HNRNPC: variants seen among roughly 807,000 people sequenced by gnomAD.
The protein encoded by HNRNPC is heterogeneous nuclear ribonucleoproteins C1/C2.
In HNRNPC, 3 loss-of-function variants were observed where a neutral mutation model predicts 33.2. That is an observed-to-expected ratio of 0.09 (90% CI 0.04 to 0.23). The LOEUF (loss-of-function observed/expected upper bound fraction) is 0.23. Ranked by LOEUF, HNRNPC falls within the 10% of genes least tolerant of loss-of-function variation. The pLI is 1.00. For missense variants in HNRNPC, 143 were observed against 366.7 expected (o/e 0.39, Z 4.98); for synonymous variants, 121 against 126.7 (o/e 0.96, Z 0.30).
At chr14:21,211,709 A>G (rs776216678) in intron 7 of HNRNPC, 101 bp downstream of exon 7, 577 of 1,417,736 alleles carry the variant, frequency 4.1e-4, no homozygotes, top group Non-Finnish European at 5.3e-4. Flanking sequence ...CCCAAGTTTC[A>G]TATTACATTG....
chr14:21,222,921 C>T (rs1339125635), intron 5 of HNRNPC, among the ~76,000 whole-genome samples: 1 of 151,712 alleles, frequency 6.6e-6, no homozygotes, highest in East Asian at 1.9e-4. Context: ...AAAACACCAG[C>T]TGGGCGTGAT....
At chr14:21,219,470 A>C (rs1460524593) in intron 5 of HNRNPC, among the ~76,000 whole-genome samples, 2 of 152,242 alleles carry the variant, frequency 1.3e-5, no homozygotes, top group Admixed American at 1.3e-4. Flanking sequence ...TACCTTTGTC[A>C]AAGGTCACCA....
chr14:21,234,609 AT>A (rs1182001601), intron 2 of HNRNPC, among the ~76,000 whole-genome samples: 1 of 152,132 alleles, frequency 6.6e-6, no homozygotes, highest in Non-Finnish European at 1.5e-5. Context: ...TGTTTTTCAC[AT>A]TACAGGTCAT....
At chr14:21,242,172 T>C (rs528992974) in intron 2 of HNRNPC, among the ~76,000 whole-genome samples, 1 of 152,156 alleles carries the variant, frequency 6.6e-6, no homozygotes, top group African/African-American at 2.4e-5. Context: ...GGATCATAAA[T>C]ATAATCATAT....
intron 2 of HNRNPC, among the ~76,000 whole-genome samples, chr14:21,252,925 C>T (rs1357826227): frequency 6.6e-6 from 1 of 152,172 alleles, no homozygotes; most frequent in African/African-American, 2.4e-5. Context: ...CCTGTAATCC[C>T]AGCACTTTGG....
At chr14:21,255,357 T>TA (rs530503446) in intron 2 of HNRNPC, among the ~76,000 whole-genome samples, 246 of 151,508 alleles carry the variant, frequency 1.6e-3, no homozygotes, top group African/African-American at 3.9e-3. Context: ...GTAGAAATAA[T>TA]AAAAAAAAAG....
intron 2 of HNRNPC, among the ~76,000 whole-genome samples, chr14:21,255,512 C>T (rs140076698): frequency 1.4e-3 from 209 of 152,354 alleles, no homozygotes; most frequent in African/African-American, 4.8e-3. Flanking sequence ...TCTATCACAG[C>T]TAAACCTTTT....
At chr14:21,232,271 A>G (rs1182590852) in intron 3 of HNRNPC, among the ~76,000 whole-genome samples, 1 of 152,168 alleles carries the variant, frequency 6.6e-6, no homozygotes, top group African/African-American at 2.4e-5. Flanking sequence ...TCGAGTCAAC[A>G]GTAACTCCAT....
At chr14:21,217,234 A>G (rs987282807) in intron 5 of HNRNPC, among the ~76,000 whole-genome samples, 3 of 152,234 alleles carry the variant, frequency 2.0e-5, no homozygotes, top group Non-Finnish European at 2.9e-5. Context: ...CTTAAAAATA[A>G]ATCAACCAGC....
chr14:21,243,218 C>T (rs1032338793), intron 2 of HNRNPC, among the ~76,000 whole-genome samples: 3 of 151,960 alleles, frequency 2.0e-5, no homozygotes, highest in African/African-American at 7.3e-5. Flanking sequence ...AATTGATGTT[C>T]ATTATTCTTT....
At chr14:21,243,989 G>C (rs1008723974) in intron 2 of HNRNPC, among the ~76,000 whole-genome samples, 1 of 151,568 alleles carries the variant, frequency 6.6e-6, no homozygotes, top group Non-Finnish European at 1.5e-5. Context: ...GATGACATAA[G>C]TAAATGAGTA....
intron 2 of HNRNPC, among the ~76,000 whole-genome samples, chr14:21,243,928 AAGAC>A (rs1413230241): frequency 1.3e-5 from 2 of 151,958 alleles, no homozygotes; most frequent in Non-Finnish European, 2.9e-5. Context: ...GTAGCTACAT[AAGAC>A]AGAGAACAAA....
Position 21,269,062 on chromosome 14 carries a change from A to G in HNRNPC, c.-63+236T>C, listed in dbSNP as rs558562452. ...AAGGAAAGCAGCCGTTAACACAGGAAGAGCGAAAAAAGGACATTTTCCCTG... is the reference window on the plus strand; with the variant it reads ...AAGGAAAGCAGCCGTTAACACAGGAGGAGCGAAAAAAGGACATTTTCCCTG... On this transcript the variant is annotated intron_variant, in intron 1 of 8. Coordinates refer to ENST00000553300, the MANE Select transcript of HNRNPC (RefSeq NM_004500.4). 3.3e-5 allele frequency among the ~76,000 whole-genome samples: 5 copies of G among 152,272 alleles called. No individual in the cohort carries two copies. In the East Asian group the frequency reaches 7.7e-4, roughly 24 times the overall value.
intron 5 of HNRNPC, among the ~76,000 whole-genome samples, chr14:21,227,686 C>T (rs1322479727): frequency 6.6e-6 from 1 of 152,120 alleles, no homozygotes; most frequent in Non-Finnish European, 1.5e-5. Context: ...ATCTCATTGT[C>T]TCAACTAATG....
At chr14:21,235,466 T>TA (rs1894598861) in intron 2 of HNRNPC, among the ~76,000 whole-genome samples, 1 of 152,218 alleles carries the variant, frequency 6.6e-6, no homozygotes. Flanking sequence ...AATACAGTCA[T>TA]TTAACAGGCA....
intron 5 of HNRNPC, among the ~76,000 whole-genome samples, chr14:21,224,058 A>G (rs754027226): frequency 2.6e-5 from 4 of 152,076 alleles, no homozygotes; most frequent in Non-Finnish European, 5.9e-5. Context: ...AAATAACCTA[A>G]GTATTTTGGC....
chr14:21,258,101 T>G (rs1385411376), intron 2 of HNRNPC, among the ~76,000 whole-genome samples: 1 of 152,194 alleles, frequency 6.6e-6, no homozygotes, highest in Non-Finnish European at 1.5e-5. Context: ...TCTGTTTTTC[T>G]AGAATGCTCA....
intron 2 of HNRNPC, among the ~76,000 whole-genome samples, chr14:21,245,147 A>G (rs901374207): frequency 2.0e-5 from 3 of 151,874 alleles, no homozygotes; most frequent in South Asian, 2.1e-4. Context: ...TTCTAACACA[A>G]TATTATTTGT....
intron 5 of HNRNPC, 36 bp from the exon 6 acceptor site, chr14:21,213,153 C>T (rs1891800249): frequency 6.3e-7 from 1 of 1,598,046 alleles, no homozygotes; most frequent in Non-Finnish European, 8.6e-7. Flanking sequence ...TCATTCAAAC[C>T]TAACATTAAC....
Sources: gnomAD v4.1 joint callset for allele counts (sites outside exome capture counted in the v4.1 genomes callset) on GRCh38, gnomAD v4.1.1 for gene constraint, MANE v1.5 for transcripts, NCBI Gene and HGNC (gene_info 2026-07-23, HGNC 2026-07-21) for gene names.